RBFOX3: variants seen among roughly 807,000 people sequenced by gnomAD.
The protein encoded by RBFOX3 is RNA binding protein fox-1 homolog 3.
RBFOX3 carries 17 observed loss-of-function variants against 48.7 expected under a neutral mutation model. The observed-to-expected ratio is 0.35, with a 90% CI of 0.24 to 0.52. The LOEUF (loss-of-function observed/expected upper bound fraction) is 0.52. RBFOX3 is among the 20% of genes least tolerant of loss of function. The pLI is 0.94. For synonymous variants in RBFOX3, 212 were observed against 209.5 expected, an observed-to-expected ratio of 1.01 and a Z score of -0.10; for missense variants, 382 against 497.5, an observed-to-expected ratio of 0.77 and a Z score of 2.21.
intron 4 of RBFOX3, among the ~76,000 whole-genome samples, chr17:79,176,003 G>A (rs2050454898): frequency 6.6e-6 from 1 of 152,226 alleles, no homozygotes; most frequent in African/African-American, 2.4e-5. Flanking sequence ...ACCAATTTCT[G>A]TGACTGAGTT....
At chr17:79,272,864 G>A (rs547987651) in intron 3 of RBFOX3, among the ~76,000 whole-genome samples, 2 of 152,224 alleles carry the variant, frequency 1.3e-5, no homozygotes, top group South Asian at 4.2e-4. Context: ...CAGAAAGATT[G>A]TCTTCCCGAT....
chr17:79,181,399 G>A (rs887557123), intron 4 of RBFOX3, among the ~76,000 whole-genome samples: 9 of 152,156 alleles, frequency 5.9e-5, no homozygotes, highest in Non-Finnish European at 7.4e-5. Flanking sequence ...ATGGAAAACC[G>A]GGAGGGGCTG....
At chr17:79,092,029 G>A (rs2074014349) in intron 14 of RBFOX3, 2 of 985,478 alleles carry the variant, frequency 2.0e-6, no homozygotes, top group Non-Finnish European at 2.4e-6. Context: ...GTGGTTGGCT[G>A]GGTGAAGGCC....
chr17:79,494,872 G>A (rs368990977), intron 1 of RBFOX3, among the ~76,000 whole-genome samples: 1 of 152,218 alleles, frequency 6.6e-6, no homozygotes, highest in Admixed American at 6.5e-5. Context: ...ACACCCAACA[G>A]AGGCACAAGA....
At chr17:79,451,193 A>T (rs2073427430) in intron 2 of RBFOX3, among the ~76,000 whole-genome samples, 1 of 152,202 alleles carries the variant, frequency 6.6e-6, no homozygotes, top group Non-Finnish European at 1.5e-5. Context: ...CATCATTTGG[A>T]AGAAGTTATA....
chr17:79,556,167 T>C (rs1417923547), intron 1 of RBFOX3, among the ~76,000 whole-genome samples: 1 of 152,204 alleles, frequency 6.6e-6, no homozygotes, highest in Non-Finnish European at 1.5e-5. Flanking sequence ...TCACACCTGC[T>C]ACCAGCCAGG....
intron 4 of RBFOX3, among the ~76,000 whole-genome samples, chr17:79,219,617 C>G (rs142143849): frequency 1.5e-3 from 223 of 152,090 alleles, no homozygotes; most frequent in African/African-American, 4.6e-3. Context: ...CACAGGGGCT[C>G]GCAGAGGAAG....
At chr17:79,356,061 C>T (rs1432790343) in intron 2 of RBFOX3, among the ~76,000 whole-genome samples, 1 of 152,188 alleles carries the variant, frequency 6.6e-6, no homozygotes, top group African/African-American at 2.4e-5. Context: ...TGAATTAGAG[C>T]ATGAATGTGG....
intron 2 of RBFOX3, among the ~76,000 whole-genome samples, chr17:79,410,369 A>C (rs1006351758): frequency 6.6e-6 from 1 of 152,110 alleles, no homozygotes; most frequent in African/African-American, 2.4e-5. Context: ...CCAGGTCAGC[A>C]CCTGGTGTAC....
chr17:79,292,961 C>A (rs552174888), intron 3 of RBFOX3, among the ~76,000 whole-genome samples: 10 of 152,146 alleles, frequency 6.6e-5, no homozygotes, highest in African/African-American at 2.4e-4. Context: ...GTTTTTATAC[C>A]TGCCCCCACC....
chr17:79,353,653 C>T (rs773113404), intron 2 of RBFOX3, among the ~76,000 whole-genome samples: 13 of 152,214 alleles, frequency 8.5e-5, no homozygotes, highest in African/African-American at 1.4e-4. Context: ...TGATTCTGCA[C>T]GTGGCCTCTC....
chr17:79,458,804 C>T (rs2074974641), intron 2 of RBFOX3, among the ~76,000 whole-genome samples: 1 of 152,130 alleles, frequency 6.6e-6, no homozygotes, highest in Non-Finnish European at 1.5e-5. Context: ...CTCACCCCTG[C>T]CACAGGAGGC....
intron 3 of RBFOX3, among the ~76,000 whole-genome samples, chr17:79,239,250 C>T (rs952771649): frequency 6.6e-6 from 1 of 152,194 alleles, no homozygotes; most frequent in African/African-American, 2.4e-5. Context: ...GAGAGAGGCC[C>T]CCCAGGTTCA....
intron 2 of RBFOX3, among the ~76,000 whole-genome samples, chr17:79,382,180 G>A (rs1393348517): frequency 2.0e-5 from 3 of 152,182 alleles, no homozygotes; most frequent in Non-Finnish European, 4.4e-5. Flanking sequence ...GGGCTCTTGT[G>A]CCACCACCCA....
intron 4 of RBFOX3, among the ~76,000 whole-genome samples, chr17:79,119,396 T>C (rs1293346854): frequency 1.3e-5 from 2 of 152,076 alleles, no homozygotes; most frequent in Admixed American, 6.6e-5. Context: ...AAAACCGAGG[T>C]GTAGAGACAA....
chr17:79,483,894 A>T (rs1297540990), intron 1 of RBFOX3, among the ~76,000 whole-genome samples: 1 of 152,196 alleles, frequency 6.6e-6, no homozygotes, highest in African/African-American at 2.4e-5. Flanking sequence ...CGGGATATGG[A>T]GGGGACTGAA....
At chr17:79,097,550 G>A (rs1382694448) in intron 10 of RBFOX3, 126 bp from the exon 11 acceptor site, 2 of 1,320,504 alleles carry the variant, frequency 1.5e-6, no homozygotes, top group Non-Finnish European at 2.0e-6. Context: ...CGCCCCCGGA[G>A]CGCTACTCAG....
intron 4 of RBFOX3, among the ~76,000 whole-genome samples, chr17:79,154,791 G>C (rs895906994): frequency 3.3e-5 from 5 of 152,162 alleles, no homozygotes; most frequent in African/African-American, 1.2e-4. Flanking sequence ...GGCAGGAGGT[G>C]CCACTGAGGA....
chr17:79,507,002 G>A (rs1012747859), intron 1 of RBFOX3, among the ~76,000 whole-genome samples: 2 of 152,158 alleles, frequency 1.3e-5, no homozygotes, highest in Admixed American at 6.5e-5. Flanking sequence ...CTGAGAAATC[G>A]GGATCCACCC....
Sources: gnomAD v4.1 joint callset for allele counts (sites outside exome capture counted in the v4.1 genomes callset) on GRCh38, gnomAD v4.1.1 for gene constraint, MANE v1.5 for transcripts, NCBI Gene and HGNC (gene_info 2026-07-23, HGNC 2026-07-21) for gene names.